PLXNA4: variants seen among roughly 807,000 people sequenced by gnomAD.
PLXNA4 encodes plexin-A4.
Under a neutral mutation model 191.8 loss-of-function variants are expected in PLXNA4, and 44 were observed. That is an observed-to-expected ratio of 0.23 (90% CI 0.18 to 0.29). The LOEUF (loss-of-function observed/expected upper bound fraction) is 0.29. PLXNA4 is among the 10% of genes least tolerant of loss of function. The pLI is 1.00. For synonymous variants in PLXNA4, 1,082 were observed against 1,009.5 expected (o/e 1.07, Z -1.36); for missense variants, 1,800 against 2,488.8 (o/e 0.72, Z 5.89).
chr7:132,614,299 T>C (rs994939613), intron 2 of PLXNA4, among the ~76,000 whole-genome samples: 11 of 152,210 alleles, frequency 7.2e-5, no homozygotes, highest in African/African-American at 2.2e-4. Context: ...CAATGTGTGA[T>C]TGACACACTG....
chr7:132,306,703 G>T (rs1801535625), intron 3 of PLXNA4, among the ~76,000 whole-genome samples: 1 of 152,166 alleles, frequency 6.6e-6, no homozygotes, highest in African/African-American at 2.4e-5. Context: ...CTGGGTCTGA[G>T]TTGCCACAGC....
chr7:132,456,870 G>A (rs763645582), intron 3 of PLXNA4, among the ~76,000 whole-genome samples: 2 of 152,174 alleles, frequency 1.3e-5, no homozygotes, highest in Admixed American at 6.5e-5. Context: ...GACACCATCT[G>A]ATTTGTCTCA....
At chr7:132,194,335 G>A (rs1337330802) in intron 13 of PLXNA4, among the ~76,000 whole-genome samples, 156 bp from the exon 14 acceptor site, 5 of 152,148 alleles carry the variant, frequency 3.3e-5, no homozygotes, top group African/African-American at 1.2e-4. Flanking sequence ...CTCCTAGCAG[G>A]GGCTTCTCCT....
At chr7:132,544,822 C>A (rs1304015398) in intron 1 of PLXNA4, among the ~76,000 whole-genome samples, 1 of 152,016 alleles carries the variant, frequency 6.6e-6, no homozygotes, top group Non-Finnish European at 1.5e-5. Context: ...AAATAGAAAA[C>A]TTTCACTTTC....
At chr7:132,321,181 C>G (rs1016572140) in intron 3 of PLXNA4, among the ~76,000 whole-genome samples, 69 of 152,148 alleles carry the variant, frequency 4.5e-4, no homozygotes, top group African/African-American at 1.7e-3. Flanking sequence ...CCTCACTTCC[C>G]TCTGACTCTT....
chr7:132,378,298 T>A (rs1804746691), intron 3 of PLXNA4, among the ~76,000 whole-genome samples: 2 of 152,154 alleles, frequency 1.3e-5, no homozygotes, highest in South Asian at 4.1e-4. Context: ...ACTTAACACG[T>A]GCTTTAGAGA....
rs568767422 is a variant in PLXNA4, at chr7:132,599,099, T to G, written c.-87+46829A>C. ...CCCTATACTGACTCTGTTCCATTGA[T>G]TTTTTTGGCTGTTCTTGCCTGACCA... On this transcript the variant is annotated intron_variant, in intron 2 of 4. Transcript: ENST00000378539. Among the ~76,000 whole-genome samples, 9 of 152,302 alleles carry G rather than the reference T, an allele frequency of 5.9e-5. No individual in the cohort carries two copies. In the East Asian group the frequency reaches 1.7e-3, roughly 29 times the overall value.
At chr7:132,134,945 G>A (rs1302577777) in intron 30 of PLXNA4, among the ~76,000 whole-genome samples, 1 of 152,156 alleles carries the variant, frequency 6.6e-6, no homozygotes, top group African/African-American at 2.4e-5. Context: ...GGTACCTCAG[G>A]ACACAGGGCT....
chr7:132,591,974 T>C (rs147609590), intron 2 of PLXNA4, among the ~76,000 whole-genome samples: 6 of 152,300 alleles, frequency 3.9e-5, no homozygotes, highest in Admixed American at 2.0e-4. Flanking sequence ...GCTGTTCATC[T>C]TCCGTATGTG....
At chr7:132,344,830 C>T (rs1259404142) in intron 3 of PLXNA4, among the ~76,000 whole-genome samples, 1 of 152,172 alleles carries the variant, frequency 6.6e-6, no homozygotes, top group Non-Finnish European at 1.5e-5. Flanking sequence ...GGAATAATAA[C>T]ATCTGCAAGG....
chr7:132,146,253 G>A (rs916137798), intron 28 of PLXNA4, among the ~76,000 whole-genome samples: 3 of 152,016 alleles, frequency 2.0e-5, no homozygotes, highest in Non-Finnish European at 4.4e-5. Flanking sequence ...ATTTCAGAAG[G>A]GCATGGAGAA....
intron 21 of PLXNA4, among the ~76,000 whole-genome samples, chr7:132,172,012 A>G (rs1051105107): frequency 6.6e-6 from 1 of 152,092 alleles, no homozygotes; most frequent in African/African-American, 2.4e-5. Context: ...CATCTAGTGC[A>G]TCAGGGTGGT....
At chr7:132,627,818 C>G (rs543014742) in intron 2 of PLXNA4, among the ~76,000 whole-genome samples, 1 of 152,266 alleles carries the variant, frequency 6.6e-6, no homozygotes, top group Non-Finnish European at 1.5e-5. Context: ...CCTGGACTTC[C>G]CAGCCTCCAG....
At chr7:132,456,147 C>G (rs1219098580) in intron 3 of PLXNA4, among the ~76,000 whole-genome samples, 1 of 144,082 alleles carries the variant, frequency 6.9e-6, no homozygotes, top group African/African-American at 2.7e-5. Context: ...GAGTCTCACT[C>G]TGTCACCCAG....
At chr7:132,418,330 C>G (rs1278837856) in intron 3 of PLXNA4, among the ~76,000 whole-genome samples, 1 of 152,172 alleles carries the variant, frequency 6.6e-6, no homozygotes, top group African/African-American at 2.4e-5. Context: ...GCAAATTCAC[C>G]TCAAATTTTT....
intron 1 of PLXNA4, among the ~76,000 whole-genome samples, chr7:132,648,165 TCA>T (rs1304233732): frequency 6.6e-6 from 1 of 152,006 alleles, no homozygotes; most frequent in Non-Finnish European, 1.5e-5. Context: ...ATACATTCAG[TCA>T]CACATATACT....
chr7:132,428,415 G>T (rs182996188), intron 3 of PLXNA4, among the ~76,000 whole-genome samples: 1 of 152,310 alleles, frequency 6.6e-6, no homozygotes, highest in African/African-American at 2.4e-5. Flanking sequence ...CAAACAATCC[G>T]ATGCCAGGAG....
chr7:132,153,902 T>G (rs1420409325), intron 25 of PLXNA4, among the ~76,000 whole-genome samples: 4 of 152,056 alleles, frequency 2.6e-5, no homozygotes, highest in Admixed American at 2.0e-4. Flanking sequence ...TAACCCCACT[T>G]CCAGTCTTCC....
intron 1 of PLXNA4, among the ~76,000 whole-genome samples, chr7:132,529,215 T>A (rs1799529085): frequency 1.3e-5 from 2 of 152,152 alleles, no homozygotes; most frequent in African/African-American, 4.8e-5. Context: ...CAGGTTGGTG[T>A]CACCTTGTTT....
Sources: gnomAD v4.1 joint callset for allele counts (sites outside exome capture counted in the v4.1 genomes callset) on GRCh38, gnomAD v4.1.1 for gene constraint, MANE v1.5 for transcripts, NCBI Gene and HGNC (gene_info 2026-07-23, HGNC 2026-07-21) for gene names.